The following ETV6 variants were observed in gnomAD, a reference collection of about 807,000 sequenced individuals.
ETV6 encodes the protein transcription factor ETV6.
A neutral mutation model predicts 51.1 loss-of-function variants in ETV6; 16 were observed. The observed-to-expected ratio is 0.31, with a 90% CI of 0.21 to 0.48. The LOEUF (loss-of-function observed/expected upper bound fraction) is 0.48, where lower values mean the gene tolerates loss of function less well. ETV6 is among the 20% of genes least tolerant of loss of function. ETV6 has a pLI of 0.99. For missense variants in ETV6, 458 were observed against 594.8 expected (o/e 0.77, Z 2.39); for synonymous variants, 240 against 224.1 (o/e 1.07, Z -0.64).
At chr12:11,778,695 TA>T (rs139537355) in intron 2 of ETV6, among the ~76,000 whole-genome samples, 9 of 150,262 alleles carry the variant, frequency 6.0e-5, no homozygotes, top group South Asian at 2.1e-4. Context: ...TTTTCTTTCT[TA>T]AAAAAAAAAT....
intron 1 of ETV6, among the ~76,000 whole-genome samples, chr12:11,720,031 A>C (rs1156411724): frequency 6.6e-6 from 1 of 152,208 alleles, no homozygotes; most frequent in East Asian, 1.9e-4. Context: ...CTGGTCTCCC[A>C]CGAATCAGAA....
intron 1 of ETV6, among the ~76,000 whole-genome samples, chr12:11,686,559 G>C (rs1003917947): frequency 6.6e-6 from 1 of 152,090 alleles, no homozygotes; most frequent in African/African-American, 2.4e-5. Flanking sequence ...ATGCAGTCTC[G>C]CTCTGTTGCC....
chr12:11,874,730 GTATA>G (rs201885095), intron 5 of ETV6, among the ~76,000 whole-genome samples: 1 of 149,120 alleles, frequency 6.7e-6, no homozygotes, highest in African/African-American at 2.5e-5. Context: ...ATATATATGT[GTATA>G]TATATATGAA....
rs1212986953 is a variant in ETV6, at chr12:11,650,178, TC to T, written c.33+20del. ...GCATTAAGGTAAAAATCTTCTCCCC[TC>T]CTTCTACGTGGTGGAAACCCTGAGC... On this transcript the variant is annotated intron_variant, in intron 1 of 7. Coordinates refer to ENST00000396373, the MANE Select transcript of ETV6 (RefSeq NM_001987.5). 1.2e-6 allele frequency: 2 copies of T among 1,610,082 alleles called. No homozygotes were observed. Among genetic ancestry groups the T allele is most frequent in the African/African-American group, 1.3e-5 (1 of 74,900 alleles).
At chr12:11,676,016 A>G (rs79959652) in intron 1 of ETV6, among the ~76,000 whole-genome samples, 2 of 152,326 alleles carry the variant, frequency 1.3e-5, no homozygotes, top group East Asian at 3.9e-4. Flanking sequence ...ATAATCCTGT[A>G]AAGTCATCTA....
intron 2 of ETV6, among the ~76,000 whole-genome samples, chr12:11,775,451 T>C (rs1180687617): frequency 6.6e-6 from 1 of 152,254 alleles, no homozygotes; most frequent in South Asian, 2.1e-4. Context: ...TCTTTATTAT[T>C]CATTAAAATG....
chr12:11,887,199 C>T (rs1034874967), intron 7 of ETV6, among the ~76,000 whole-genome samples: 2 of 152,186 alleles, frequency 1.3e-5, no homozygotes, highest in African/African-American at 4.8e-5. Context: ...TTTTCTTCAT[C>T]CTTCAACCTA....
At chr12:11,769,848 G>C (rs1945215821) in intron 2 of ETV6, among the ~76,000 whole-genome samples, 2 of 152,202 alleles carry the variant, frequency 1.3e-5, no homozygotes, top group East Asian at 1.9e-4. Context: ...TGGAATAAGA[G>C]CTGTCTTCAG....
chr12:11,716,135 TG>T (rs1555118126), intron 1 of ETV6, among the ~76,000 whole-genome samples: 1 of 151,312 alleles, frequency 6.6e-6, no homozygotes, highest in Non-Finnish European at 1.5e-5. Context: ...CCGAGGCGGG[TG>T]GATCACGAGG....
chr12:11,847,041 G>A lies in ETV6; in HGVS notation c.329-6386G>A, dbSNP rs555146075. Among the ~76,000 whole-genome samples, 10 of 152,206 alleles carry A rather than the reference G, an allele frequency of 6.6e-5. No individual in the cohort carries two copies. The East Asian group carries it at 1.4e-3, about 21-fold the overall frequency. On this transcript the variant is annotated intron_variant, in intron 3 of 7. Transcript: ENST00000396373. ...GCAGAGGATCGGCATGGCAAGGTGC[G>A]GCGGTGAAAAGTGGAGGCGGGGCAT...
At chr12:11,724,391 C>G (rs1271561566) in intron 1 of ETV6, among the ~76,000 whole-genome samples, 1 of 152,138 alleles carries the variant, frequency 6.6e-6, no homozygotes, top group African/African-American at 2.4e-5. Context: ...GGGCCTGTGC[C>G]CATCAGTACC....
chr12:11,823,574 C>T (rs1363985028), intron 2 of ETV6, among the ~76,000 whole-genome samples: 1 of 150,132 alleles, frequency 6.7e-6, no homozygotes, highest in African/African-American at 2.5e-5. Context: ...GGAAATGATT[C>T]TCTTGCCTCA....
chr12:11,751,770 A>T (rs1866033140), intron 1 of ETV6: 1 of 461,316 alleles, frequency 2.2e-6, no homozygotes, highest in African/African-American at 2.0e-5. Context: ...AGGGAAAGGA[A>T]ATATCGATTC....
At chr12:11,700,881 G>A (rs1408666071) in intron 1 of ETV6, among the ~76,000 whole-genome samples, 1 of 152,064 alleles carries the variant, frequency 6.6e-6, no homozygotes, top group Non-Finnish European at 1.5e-5. Flanking sequence ...GACACACGCA[G>A]CTCAAACATG....
intron 5 of ETV6, among the ~76,000 whole-genome samples, chr12:11,878,371 G>T (rs965905937): frequency 1.3e-5 from 2 of 152,282 alleles, no homozygotes; most frequent in East Asian, 1.9e-4. Context: ...GTGTAAGGGC[G>T]CACAGTGCTG....
chr12:11,748,718 T>C (rs1199286462), intron 1 of ETV6, among the ~76,000 whole-genome samples: 1 of 152,116 alleles, frequency 6.6e-6, no homozygotes, highest in African/African-American at 2.4e-5. Context: ...TATACACCTA[T>C]TTTACAGGGA....
intron 4 of ETV6, among the ~76,000 whole-genome samples, chr12:11,865,776 T>C (rs1211123365): frequency 2.7e-5 from 4 of 150,928 alleles, no homozygotes; most frequent in Non-Finnish European, 5.9e-5. Flanking sequence ...ATAGTTTCTT[T>C]TTTTCCTCTG....
chr12:11,758,884 G>A (rs1487109597), intron 2 of ETV6, among the ~76,000 whole-genome samples: 29 of 152,180 alleles, frequency 1.9e-4, no homozygotes, highest in Admixed American at 1.8e-3. Context: ...TCCCCCTTAA[G>A]CCTTCTTTTG....
chr12:11,734,254 A>G (rs1865659372), intron 1 of ETV6, among the ~76,000 whole-genome samples: 2 of 152,172 alleles, frequency 1.3e-5, no homozygotes, highest in African/African-American at 4.8e-5. Flanking sequence ...ATAGTCCCCT[A>G]TGTAATTAGG....
Sources: gnomAD v4.1 joint callset for allele counts (sites outside exome capture counted in the v4.1 genomes callset) on GRCh38, gnomAD v4.1.1 for gene constraint, MANE v1.5 for transcripts, NCBI Gene and HGNC (gene_info 2026-07-23, HGNC 2026-07-21) for gene names.